TBX5: variants seen among roughly 807,000 people sequenced by gnomAD.
TBX5 encodes T-box transcription factor TBX5.
A neutral mutation model predicts 51.1 loss-of-function variants in TBX5; 8 were observed. The observed-to-expected ratio is 0.16, with a 90% CI of 0.09 to 0.28. The LOEUF is 0.28. TBX5 is among the 10% of genes least tolerant of loss of function. The probability of loss-of-function intolerance (pLI) is 1.00; values close to 1 mark genes in which losing one functional copy is unlikely to be tolerated. For missense variants in TBX5, 589 were observed against 671.7 expected, an observed-to-expected ratio of 0.88 and a Z score of 1.36; for synonymous variants, 302 against 266.4, an observed-to-expected ratio of 1.13 and a Z score of -1.30.
chr12:114,355,819 G>T lies in TBX5; in HGVS notation c.1270C>A (p.Gln424Lys), dbSNP rs780987688. The change falls in exon 9 of 9, where the codon CAG becomes AAG. Residue 424 changes from glutamine to lysine, a missense_variant. By Grantham distance (53) the Gln-to-Lys change is moderately conservative. Around this residue, in one of 7 missense-constraint regions of TBX5, gnomAD observed 348 missense variants for 360.4 expected, o/e 0.97. Transcript: ENST00000405440. ...GAGGTGAAGTGAGCGGAGAAGTGCT[G>T]GTAGGGTAGCCTGTCCATGGGCTGC... ...TVQPMDRLPY[Q>K]HFSAHFTSGP... The T allele has an allele frequency of 9.9e-6, 16 of 1,614,098 alleles. No homozygotes were observed. The highest frequency in any genetic ancestry group is 1.3e-5 in the Non-Finnish European group (15 of 1,180,040).
intron 7 of TBX5, among the ~76,000 whole-genome samples, chr12:114,367,988 C>A (rs1278635005): frequency 6.6e-6 from 1 of 152,140 alleles, no homozygotes; most frequent in East Asian, 1.9e-4. Flanking sequence ...GTTTAAGAAC[C>A]CCTATCCTAG....
Position 114,385,495 on chromosome 12 carries a change from T to C in TBX5, c.736A>G (p.Arg246Gly), listed in dbSNP as rs374600913. Residue 246 changes from arginine (R) to glycine (G), a missense_variant, in exon 7 of 9, where the codon AGA becomes GGA. By Grantham distance (125) the Arg-to-Gly change is moderately radical (BLOSUM62 -2). Transcript: ENST00000405440. Reference sequence around the variant, plus strand: ...TCCTACCTTTGCATTCTTGACATTCTGTGCAGCTCCATGTCATCACTGCCC... The same window carrying C: ...TCCTACCTTTGCATTCTTGACATTCCGTGCAGCTCCATGTCATCACTGCCC... ...FRGSDDMELH[R>G]MSRMQSKEYP... 5.6e-6 allele frequency: 9 copies of C among 1,614,210 alleles called. No homozygotes were observed. The highest frequency in any genetic ancestry group is 7.6e-6 in the Non-Finnish European group (9 of 1,180,008).
chr12:114,382,256 G>C (rs1870542784), intron 7 of TBX5, among the ~76,000 whole-genome samples: 1 of 152,234 alleles, frequency 6.6e-6, no homozygotes, highest in African/African-American at 2.4e-5. Context: ...TGAGGCTGCA[G>C]TGAGTCATGA....
At chr12:114,405,004 T>C (rs973357843) in intron 1 of TBX5, among the ~76,000 whole-genome samples, 1 of 152,214 alleles carries the variant, frequency 6.6e-6, no homozygotes, top group Non-Finnish European at 1.5e-5. Context: ...TCTCCTGCTC[T>C]CTGATCTCCT....
upstream of TBX5, chr12:114,407,065 T>G: frequency 1.0e-6 from 1 of 985,350 alleles, no homozygotes; most frequent in Non-Finnish European, 1.2e-6. Context: ...AGTCAAGGTC[T>G]GGAGAAAGGG....
intron 6 of TBX5, among the ~76,000 whole-genome samples, chr12:114,390,320 T>C (rs1054625046): frequency 1.3e-5 from 2 of 152,242 alleles, no homozygotes; most frequent in Non-Finnish European, 2.9e-5. Context: ...TGTTAGATCA[T>C]GGGCACACAA....
intron 8 of TBX5, among the ~76,000 whole-genome samples, chr12:114,365,270 G>A (rs1869456529): frequency 6.6e-6 from 1 of 151,512 alleles, no homozygotes; most frequent in Non-Finnish European, 1.5e-5. Flanking sequence ...TGCCAGAGAA[G>A]CATTGATAGT....
chr12:114,404,355 T>C (rs1303271078), intron 1 of TBX5, among the ~76,000 whole-genome samples: 1 of 152,128 alleles, frequency 6.6e-6, no homozygotes, highest in African/African-American at 2.4e-5. Flanking sequence ...CAGTGTCCTT[T>C]AGAGAATTTC....
Position 114,406,142 on chromosome 12 carries a change from A to G in TBX5, c.-553T>C, listed in dbSNP as rs990483136. ...TGGGTTGCCTCGATGCTCACAAAGT[A>G]CTGAAATCGCCTATCCAACTAGCTC... On this transcript the variant is annotated 5_prime_UTR_variant, in exon 1 of 9. Transcript: ENST00000405440. The G allele has an allele frequency of 1.8e-5, 10 of 560,384 alleles. No homozygotes were observed. In the African/African-American group the frequency reaches 1.8e-4, roughly 10 times the overall value. The allele number at this position is 560,384 out of a possible 1,614,324, so 34.7% of individuals were successfully genotyped here.
intron 7 of TBX5, among the ~76,000 whole-genome samples, chr12:114,372,343 T>C (rs1869956342): frequency 6.6e-6 from 1 of 152,154 alleles, no homozygotes. Context: ...CTCACTCTGT[T>C]GTCCAGGCTG....
chr12:114,356,383 A>G (rs1294236996), intron 8 of TBX5, among the ~76,000 whole-genome samples: 1 of 152,156 alleles, frequency 6.6e-6, no homozygotes, highest in Non-Finnish European at 1.5e-5. Context: ...CAGTGTTGAG[A>G]ATTAAATGGG....
At chr12:114,386,193 A>G (rs1870809606) in intron 6 of TBX5, among the ~76,000 whole-genome samples, 1 of 152,188 alleles carries the variant, frequency 6.6e-6, no homozygotes, top group Non-Finnish European at 1.5e-5. Flanking sequence ...TTAATGTCCT[A>G]AGCAAAGAAG....
intron 7 of TBX5, among the ~76,000 whole-genome samples, chr12:114,366,817 C>G (rs1269209444): frequency 6.6e-6 from 1 of 152,162 alleles, no homozygotes; most frequent in African/African-American, 2.4e-5. Flanking sequence ...AGGTGGGGCT[C>G]AGGTCATTGC....
intron 5 of TBX5, 97 bp downstream of exon 5, chr12:114,398,476 T>C: frequency 6.6e-7 from 1 of 1,506,988 alleles, no homozygotes. Flanking sequence ...AGGAGAAATG[T>C]AGGCACACAG....
chr12:114,398,523 A>G, intron 5 of TBX5, 50 bp downstream of exon 5: 1 of 1,594,896 alleles, frequency 6.3e-7, no homozygotes, highest in Non-Finnish European at 8.5e-7. Flanking sequence ...AGAAGAAGGG[A>G]GAGAGGACAA....
intron 7 of TBX5, among the ~76,000 whole-genome samples, chr12:114,380,015 A>C (rs1870418376): frequency 6.6e-6 from 1 of 151,996 alleles, no homozygotes; most frequent in South Asian, 2.1e-4. Flanking sequence ...GCTTTCAGAG[A>C]TCTTCAGAAT....
At chr12:114,391,413 C>T (rs1028349183) in intron 6 of TBX5, among the ~76,000 whole-genome samples, 1 of 152,144 alleles carries the variant, frequency 6.6e-6, no homozygotes, top group Non-Finnish European at 1.5e-5. Context: ...TGGATGGAGT[C>T]GCCCTGTTAA....
chr12:114,360,369 T>G (rs1397498931), intron 8 of TBX5, among the ~76,000 whole-genome samples: 2 of 112,902 alleles, frequency 1.8e-5, no homozygotes, highest in Non-Finnish European at 3.4e-5. Context: ...GATGGGAGGA[T>G]AGATGTATGG....
Position 114,405,818 on chromosome 12 carries a change from C to T in TBX5, c.-229G>A, listed in dbSNP as rs1872180922. On this transcript the variant is annotated 5_prime_UTR_variant, in exon 1 of 9. Transcript: ENST00000405440. ...AGCCTCCGCGGCGACTGCCCACCTC[C>T]AACACACACCTCCTCTGCTGTGCGC... is the stretch of plus-strand genomic sequence containing the variant. 25 of 985,480 alleles carry T rather than the reference C, an allele frequency of 2.5e-5. No individual in the cohort carries two copies. Among genetic ancestry groups the T allele is most frequent in the Non-Finnish European group, 3.0e-5 (25 of 830,068 alleles). The allele number at this position is 985,480 out of a possible 1,614,324, so 61.0% of individuals were successfully genotyped here. A position where few individuals can be genotyped will look rare whatever the true frequency, so the allele number is the denominator to read the frequency against.
Sources: allele counts gnomAD v4.1 joint callset (sites outside exome capture counted in the v4.1 genomes callset), GRCh38; gene constraint gnomAD v4.1.1; regional missense constraint gnomAD v4.1.1; transcripts MANE v1.5; gene names NCBI Gene and HGNC (gene_info 2026-07-23, HGNC 2026-07-21).